The following KANK1 variants were observed in gnomAD, a reference collection of about 807,000 sequenced individuals.
KANK1 encodes KN motif and ankyrin repeat domain-containing protein 1.
Under a neutral mutation model 106.2 loss-of-function variants are expected in KANK1, and 109 were observed. That is an observed-to-expected ratio of 1.03 (90% CI 0.88 to 1.20). The LOEUF (loss-of-function observed/expected upper bound fraction) is 1.20. KANK1 is among the 50% of genes most tolerant of loss of function. KANK1 has a pLI of 0.00. For missense variants in KANK1, 2,399 were observed against 1,710.7 expected (o/e 1.40, Z -7.10); for synonymous variants, 873 against 652.2 (o/e 1.34, Z -5.16).
chr9:599,641 G>T (rs1310928497), intron 1 of KANK1, among the ~76,000 whole-genome samples: 1 of 151,770 alleles, frequency 6.6e-6, no homozygotes, highest in African/African-American at 2.4e-5. Context: ...AACATCATGG[G>T]TCCACTTATA....
At chr9:624,508 CAAT>C (rs1317250675) in intron 1 of KANK1, among the ~76,000 whole-genome samples, 3 of 151,948 alleles carry the variant, frequency 2.0e-5, no homozygotes, top group African/African-American at 7.3e-5. Context: ...GCATTAAAAA[CAAT>C]GATGAAAACA....
chr9:523,308 A>C (rs767196226), intron 1 of KANK1, among the ~76,000 whole-genome samples: 13 of 151,674 alleles, frequency 8.6e-5, no homozygotes, highest in Non-Finnish European at 1.3e-4. Flanking sequence ...CCTATCTCAT[A>C]CACCCTACCT....
intron 3 of KANK1, among the ~76,000 whole-genome samples, chr9:723,758 C>T (rs1829964965): frequency 6.6e-6 from 1 of 152,030 alleles, no homozygotes; most frequent in Non-Finnish European, 1.5e-5. Context: ...AAATACATGA[C>T]TGGAATTCTG....
At chr9:611,298 C>A (rs1008678500) in intron 1 of KANK1, among the ~76,000 whole-genome samples, 1 of 152,318 alleles carries the variant, frequency 6.6e-6, no homozygotes. Flanking sequence ...AAGAGCCCAG[C>A]CCACGGGGCC....
chr9:592,901 A>G (rs1448984378), intron 1 of KANK1, among the ~76,000 whole-genome samples: 7 of 151,798 alleles, frequency 4.6e-5, no homozygotes, highest in African/African-American at 1.7e-4. Context: ...GTAAATGCAG[A>G]AACTGCTCAT....
intron 1 of KANK1, among the ~76,000 whole-genome samples, chr9:593,253 T>A (rs1588093439): frequency 6.6e-6 from 1 of 151,824 alleles, no homozygotes; most frequent in East Asian, 1.9e-4. Flanking sequence ...TTTCCTTATT[T>A]TAACTCTGAA....
chr9:475,964 T>A (rs1387152979), intron 3 of KANK1, among the ~76,000 whole-genome samples: 1 of 151,784 alleles, frequency 6.6e-6, no homozygotes, highest in African/African-American at 2.4e-5. Context: ...GCCATTCTCC[T>A]ACCTCAGCCT....
rs1367052744 is a variant in KANK1 at position 745,240 on chromosome 9, A to G, written c.*5A>G. The stretch of plus-strand genomic sequence containing the variant: ...CACCGAGGTTCATTTGATTGATTGT[A>G]TGCAAATAGCCCTTTATTTACATGC... On this transcript the variant is annotated 3_prime_UTR_variant, in exon 12 of 12. Coordinates refer to ENST00000382297, the MANE Select transcript of KANK1 (RefSeq NM_015158.5). The G allele has an allele frequency of 1.2e-6, 2 of 1,614,060 alleles. No individual in the cohort carries two copies. The highest frequency in any genetic ancestry group is 1.7e-6 in the Non-Finnish European group (2 of 1,179,926).
intron 2 of KANK1, among the ~76,000 whole-genome samples, chr9:691,294 G>A (rs1209392882): frequency 8.8e-6 from 1 of 114,178 alleles, no homozygotes; most frequent in Non-Finnish European, 1.9e-5. Context: ...ATTTATGAAT[G>A]TAGCAGATTT....
intron 1 of KANK1, among the ~76,000 whole-genome samples, chr9:589,821 T>C (rs1338903442): frequency 1.3e-5 from 2 of 152,112 alleles, no homozygotes; most frequent in Non-Finnish European, 2.9e-5. Flanking sequence ...ATTTAGAGTA[T>C]CTGTGTGGGA....
intron 1 of KANK1, among the ~76,000 whole-genome samples, chr9:609,720 C>A (rs1051326192): frequency 6.6e-6 from 1 of 152,084 alleles, no homozygotes; most frequent in African/African-American, 2.4e-5. Context: ...ATTGGTACTT[C>A]TTTTATTCCC....
chr9:586,551 G>A (rs1823520184), intron 1 of KANK1, among the ~76,000 whole-genome samples: 1 of 152,140 alleles, frequency 6.6e-6, no homozygotes, highest in South Asian at 2.1e-4. Flanking sequence ...ACAGTTCCGA[G>A]GTTTTAGTCC....
At chr9:654,226 A>C (rs1008306847) in intron 1 of KANK1, among the ~76,000 whole-genome samples, 4 of 152,238 alleles carry the variant, frequency 2.6e-5, no homozygotes, top group African/African-American at 9.6e-5. Flanking sequence ...ATTTCTAATA[A>C]GTCCTCAGGT....
At position 745,267 on chromosome 9, in the gene KANK1, AC is replaced by A; in HGVS notation, c.*33del. 3.1e-6 allele frequency: 5 copies of A among 1,613,350 alleles called. No individual in the cohort carries two copies. The highest frequency in any genetic ancestry group is 4.2e-6 in the Non-Finnish European group (5 of 1,179,366). On this transcript the variant is annotated 3_prime_UTR_variant, in exon 12 of 12. Transcript: ENST00000382297. ...GCAAATAGCCCTTTATTTACATGCC[AC>A]TATTAAGCTGCTAATTGTTCCTGTT...
chr9:681,908 C>CT (rs1385797068), intron 2 of KANK1, among the ~76,000 whole-genome samples: 4 of 152,066 alleles, frequency 2.6e-5, no homozygotes, highest in African/African-American at 4.8e-5. Context: ...CATGCTCTTT[C>CT]TTTTTTTGCA....
intron 3 of KANK1, among the ~76,000 whole-genome samples, chr9:493,028 CAAAA>C (rs112780058): frequency 5.1e-5 from 5 of 98,524 alleles, no homozygotes; most frequent in Non-Finnish European, 7.5e-5. Context: ...AACTCCGTCT[CAAAA>C]AAAAAAAAAA....
chr9:711,601 G>A lies in KANK1; in HGVS notation c.835G>A (p.Glu279Lys). The A allele has an allele frequency of 6.2e-7, 1 of 1,614,140 alleles. No individual in the cohort carries two copies. Among genetic ancestry groups the A allele is most frequent in the Admixed American group, 1.7e-5 (1 of 60,022 alleles). Residue 279 changes from glutamate to lysine, a missense_variant, in exon 3 of 12, where the codon GAG (glutamate) becomes AAG (lysine). Physicochemically the swap from Glu to Lys is moderately conservative, Grantham distance 56. Coordinates refer to ENST00000382297, the MANE Select transcript of KANK1 (RefSeq NM_015158.5). ...TCTGAAACGCCTGAAGGAGCTGGAGGAGCAGGTGCGAACCATCCCTGTGCT... is the reference window on the plus strand; with the variant it reads ...TCTGAAACGCCTGAAGGAGCTGGAGAAGCAGGTGCGAACCATCCCTGTGCT... ...IALKRLKELE[E>K]QVRTIPVLQV... is the part of the protein sequence containing the mutation.
At chr9:702,909 T>C (rs1359268551) in intron 2 of KANK1, among the ~76,000 whole-genome samples, 1 of 152,192 alleles carries the variant, frequency 6.6e-6, no homozygotes, top group East Asian at 1.9e-4. Flanking sequence ...CATCTCTCGT[T>C]AACTCGGTTC....
intron 2 of KANK1, among the ~76,000 whole-genome samples, chr9:706,568 C>CTTTTTT: frequency 7.2e-6 from 1 of 138,080 alleles, no homozygotes; most frequent in African/African-American, 2.7e-5. Flanking sequence ...CTGTATGTGG[C>CTTTTTT]TTTTTTTTTT....
Sources: gnomAD v4.1 joint callset for allele counts (sites outside exome capture counted in the v4.1 genomes callset) on GRCh38, gnomAD v4.1.1 for gene constraint, MANE v1.5 for transcripts, NCBI Gene and HGNC (gene_info 2026-07-23, HGNC 2026-07-21) for gene names.